WASL: variants seen among roughly 807,000 people sequenced by gnomAD.
The protein encoded by WASL is WASP like actin nucleation promoting factor.
Under a neutral mutation model 55.5 loss-of-function variants are expected in WASL, and 20 were observed. That is an observed-to-expected ratio of 0.36 (90% CI 0.25 to 0.52). The LOEUF (loss-of-function observed/expected upper bound fraction) is 0.52. Ranked by LOEUF, WASL falls within the 20% of genes least tolerant of loss-of-function variation. WASL has a pLI of 0.92. For missense variants in WASL, 504 were observed against 622.5 expected (o/e 0.81, Z 2.03); for synonymous variants, 249 against 217.6 (o/e 1.14, Z -1.27).
In WASL at chr7:123,696,666, T is replaced by A; in HGVS notation, c.542A>T (p.Asn181Ile). 6.2e-7 allele frequency: 1 copy of A among 1,608,584 alleles called. No individual in the cohort carries two copies. The highest frequency in any genetic ancestry group is 1.1e-5 in the South Asian group (1 of 90,156). ...TNRFYGPQVNNISHTKEKKKG... is the reference protein window; with the variant it reads ...TNRFYGPQVNIISHTKEKKKG... ...CTTCTTTTCTTTGGTATGGGAGATG[T>A]TGTTGACTTGTGGACCATAAAATCT... The change falls in exon 6 of 11, where the codon AAC becomes ATC. Residue 181 changes from asparagine to isoleucine, a missense_variant. By Grantham distance (149) the Asn-to-Ile change is moderately radical. Coordinates refer to ENST00000223023, the MANE Select transcript of WASL (RefSeq NM_003941.4).
At chr7:123,746,714 T>C (rs1238642072) in intron 1 of WASL, among the ~76,000 whole-genome samples, 2 of 152,238 alleles carry the variant, frequency 1.3e-5, no homozygotes, top group South Asian at 4.1e-4. Context: ...TATTCAGCAA[T>C]CCACTTACAC....
intron 1 of WASL, among the ~76,000 whole-genome samples, chr7:123,720,920 GAAAC>G (rs974721309): frequency 1.1e-4 from 16 of 151,884 alleles, no homozygotes; most frequent in African/African-American, 3.4e-4. Context: ...GTGCAAGTCT[GAAAC>G]AAACAAACAA....
chr7:123,734,035 A>C (rs1240373031), intron 1 of WASL, among the ~76,000 whole-genome samples: 1 of 152,186 alleles, frequency 6.6e-6, no homozygotes, highest in Non-Finnish European at 1.5e-5. Flanking sequence ...CTAGAAGAGA[A>C]CATAAAACAA....
intron 6 of WASL, 115 bp from the exon 7 acceptor site, chr7:123,695,980 A>C: frequency 1.2e-6 from 1 of 852,902 alleles, no homozygotes; most frequent in Non-Finnish European, 1.9e-6. Flanking sequence ...CTGAACTAAC[A>C]GTTCTCACAG....
chr7:123,740,121 T>C (rs977379630), intron 1 of WASL, among the ~76,000 whole-genome samples: 1 of 152,102 alleles, frequency 6.6e-6, no homozygotes, highest in African/African-American at 2.4e-5. Flanking sequence ...TTTCAGTTTC[T>C]AGCTAGTTTA....
intron 10 of WASL, 77 bp from the exon 11 acceptor site, chr7:123,684,657 T>A (rs1363030357): frequency 3.6e-6 from 5 of 1,385,864 alleles, no homozygotes; most frequent in Non-Finnish European, 4.8e-6. Context: ...GTTTCTCCAA[T>A]TATTTAACTC....
rs1428541216 is a variant in WASL at position 123,722,078 on chromosome 7, AC to A, written c.118-12856del. Reference sequence around the variant, plus strand: ...TCTTGCTTTTGCTCTCTGGAGCTGTACTGTTTAATAAGGTCACCACTAGCCA... The same window carrying A: ...TCTTGCTTTTGCTCTCTGGAGCTGTATGTTTAATAAGGTCACCACTAGCCA... On this transcript the variant is annotated intron_variant, in intron 1 of 10. Coordinates refer to ENST00000223023, the MANE Select transcript of WASL (RefSeq NM_003941.4). Among the ~76,000 whole-genome samples, 3 of 152,170 alleles carry A rather than the reference AC, an allele frequency of 2.0e-5. No individual in the cohort carries two copies. In the South Asian group the frequency reaches 6.2e-4, roughly 32 times the overall value.
At chr7:123,694,008 A>C (rs1284293908) in intron 8 of WASL, among the ~76,000 whole-genome samples, 2 of 152,230 alleles carry the variant, frequency 1.3e-5, no homozygotes, top group African/African-American at 2.4e-5. Context: ...TGAATGCCTA[A>C]TTTAAAATGA....
intron 1 of WASL, among the ~76,000 whole-genome samples, chr7:123,739,423 A>G (rs1053310451): frequency 2.6e-5 from 4 of 152,172 alleles, no homozygotes; most frequent in African/African-American, 9.7e-5. Context: ...TCCACTTACA[A>G]TTTTTCAGCT....
At chr7:123,748,546 C>A in intron 1 of WASL, 72 bp downstream of exon 1, 1 of 1,540,146 alleles carries the variant, frequency 6.5e-7, no homozygotes, top group South Asian at 1.1e-5. Flanking sequence ...TTCCCCACTC[C>A]CACTTCCCGG....
rs917384488 is a variant in WASL, at chr7:123,748,904, G to A, written c.-170C>T. 5.1e-6 allele frequency: 3 copies of A among 592,118 alleles called. No homozygotes were observed. Among genetic ancestry groups the A allele is most frequent in the Non-Finnish European group, 8.7e-6 (3 of 345,826 alleles). The allele number at this position is 592,118 out of a possible 1,614,324, so 36.7% of individuals were successfully genotyped here. ...GAGGTCGAGGGAAGCAGGCGCTGAC[G>A]GCGAGCCACCTTCGCGCCGCGCTGA... On this transcript the variant is annotated 5_prime_UTR_variant, in exon 1 of 11. Coordinates refer to ENST00000223023, the MANE Select transcript of WASL (RefSeq NM_003941.4).
intron 1 of WASL, among the ~76,000 whole-genome samples, chr7:123,727,352 G>GACACACACAC (rs1554406235): frequency 9.0e-5 from 5 of 55,454 alleles, no homozygotes; most frequent in Non-Finnish European, 1.6e-4. Flanking sequence ...AAAAATATGT[G>GACACACACAC]TCACACACAC....
At chr7:123,743,764 G>A (rs1360731931) in intron 1 of WASL, among the ~76,000 whole-genome samples, 1 of 152,040 alleles carries the variant, frequency 6.6e-6, no homozygotes, top group Non-Finnish European at 1.5e-5. Context: ...TGAAATCCTT[G>A]ACTAAGCCCA....
At chr7:123,717,771 T>C (rs1803870289) in intron 1 of WASL, among the ~76,000 whole-genome samples, 1 of 152,178 alleles carries the variant, frequency 6.6e-6, no homozygotes. Context: ...TTTGAGCAAA[T>C]ATGTTAGAAC....
Position 123,692,531 on chromosome 7 carries a change from G to T in WASL, c.1163C>A (p.Pro388Gln). The change falls in exon 9 of 11, where the codon CCG becomes CAG. Residue 388 changes from proline to glutamine, a missense_variant. Coordinates refer to ENST00000223023, the MANE Select transcript of WASL (RefSeq NM_003941.4). ...GTCCCCATCAGAAGGCAGGCCAGGC[G>T]GGGGCGGTGGCCCAGGAGGAGGTGG... Reference protein sequence around the residue: ...PPPPPPGPPPPPGLPSDGDHQ... With the variant: ...PPPPPPGPPPQPGLPSDGDHQ... The T allele has an allele frequency of 1.2e-6, 2 of 1,614,062 alleles. No homozygotes were observed. Among genetic ancestry groups the T allele is most frequent in the Non-Finnish European group, 1.7e-6 (2 of 1,180,022 alleles).
intron 4 of WASL, 138 bp downstream of exon 4, chr7:123,706,139 T>C (rs73224180): frequency 0.013 from 9,923 of 780,634 alleles, 80 homozygotes; most frequent in African/African-American, 0.021. Flanking sequence ...TGACAAAAAA[T>C]AGCCAAAGAC....
At position 123,700,203 on chromosome 7, in the gene WASL, A is replaced by AAAAAC. The variant is rs1272259426; in HGVS notation, c.461-3461_461-3457dup. Reference sequence around the variant, plus strand: ...AAAAAAAAAAAAAAAAAAAAAAAAAAAAAACAACATTATTTAAGTAAGACT... The same window carrying AAAAAC: ...AAAAAAAAAAAAAAAAAAAAAAAAAAAAAACAAAACAACATTATTTAAGTAAGACT... On this transcript the variant is annotated intron_variant, in intron 5 of 10. Transcript: ENST00000223023. Among the ~76,000 whole-genome samples the AAAAAC allele has an allele frequency of 5.7e-3, 405 of 71,674 alleles. 1 individual carries two copies. The highest frequency in any genetic ancestry group is 0.02 in the African/African-American group (384 of 19,388). The allele number at this position is 71,674 out of a possible 152,430, so 47.0% of individuals were successfully genotyped here.
At chr7:123,737,300 A>G (rs760328718) in intron 1 of WASL, among the ~76,000 whole-genome samples, 2 of 152,186 alleles carry the variant, frequency 1.3e-5, no homozygotes, top group Non-Finnish European at 2.9e-5. Context: ...TTAGTAAATT[A>G]TAAAAGCAGC....
intron 1 of WASL, among the ~76,000 whole-genome samples, chr7:123,733,936 C>T (rs1360623997): frequency 8.7e-6 from 1 of 114,686 alleles, no homozygotes; most frequent in African/African-American, 3.3e-5. Context: ...AAAAAAAAAT[C>T]AAATCCAGGC....
Sources: allele counts gnomAD v4.1 joint callset (sites outside exome capture counted in the v4.1 genomes callset), GRCh38; gene constraint gnomAD v4.1.1; transcripts MANE v1.5; gene names NCBI Gene and HGNC (gene_info 2026-07-23, HGNC 2026-07-21).